The following MEGF9 variants were observed in gnomAD, a reference collection of about 807,000 sequenced individuals.
MEGF9 encodes the protein multiple EGF like domains 9.
In MEGF9, 6 loss-of-function variants were observed where a neutral mutation model predicts 46.8. That is an observed-to-expected ratio of 0.13 (90% CI 0.07 to 0.25). MEGF9 has a LOEUF of 0.25. Among genes scored for constraint, MEGF9 ranks in the 10% least tolerant of loss-of-function variants. MEGF9 has a pLI of 1.00. For missense variants in MEGF9, 683 were observed against 792.4 expected (o/e 0.86, Z 1.66); for synonymous variants, 302 against 330.7 (o/e 0.91, Z 0.94).
chr9:120,691,834 T>C (rs1378634731), intron 1 of MEGF9, among the ~76,000 whole-genome samples: 3 of 152,098 alleles, frequency 2.0e-5, no homozygotes, highest in Non-Finnish European at 4.4e-5. Flanking sequence ...TGGGTAGCAT[T>C]AGAAAGAATT....
intron 2 of MEGF9, among the ~76,000 whole-genome samples, chr9:120,652,172 ACACACACAC>A (rs1379918581): frequency 7.7e-5 from 5 of 64,584 alleles, no homozygotes; most frequent in East Asian, 4.3e-4. Flanking sequence ...ACACACACAC[ACACACACAC>A]AAAAAAAAAA....
chr9:120,642,523 A>C (rs1271669417), intron 2 of MEGF9, among the ~76,000 whole-genome samples: 1 of 152,214 alleles, frequency 6.6e-6, no homozygotes, highest in African/African-American at 2.4e-5. Context: ...TATGTGTAAA[A>C]CATCAAGAAT....
chr9:120,694,921 C>T (rs1456221373), intron 1 of MEGF9, among the ~76,000 whole-genome samples: 1 of 118,084 alleles, frequency 8.5e-6, no homozygotes, highest in Non-Finnish European at 1.8e-5. Context: ...GCCTTTTTGA[C>T]AGCATCACTC....
rs75697542 is a variant in MEGF9 at position 120,603,892 on chromosome 9, G to C, written c.*1298C>G. 6.6e-6 allele frequency: 1 copy of C among 152,598 alleles called. No individual in the cohort carries two copies. The highest frequency in any genetic ancestry group is 2.4e-5 in the African/African-American group (1 of 41,432). 9.5% of individuals were successfully genotyped at this position (152,598 alleles called of 1,614,324 possible). A position where few individuals can be genotyped will look rare whatever the true frequency, so the allele number is the denominator to read the frequency against. On this transcript the variant is annotated 3_prime_UTR_variant, in exon 6 of 6. Transcript: ENST00000373930. The stretch of plus-strand genomic sequence containing the variant: ...ACATGTAGGAGATTTTTTATTTGGG[G>C]TGAGGGAGGATTATAAATATTTCAT...
intron 1 of MEGF9, among the ~76,000 whole-genome samples, chr9:120,665,688 G>C (rs994476199): frequency 6.6e-6 from 1 of 152,090 alleles, no homozygotes; most frequent in Non-Finnish European, 1.5e-5. Flanking sequence ...TTCTAAAGCA[G>C]TTCCCCTGTG....
chr9:120,652,051 C>A (rs1172523707), intron 2 of MEGF9, among the ~76,000 whole-genome samples: 2 of 150,110 alleles, frequency 1.3e-5, no homozygotes, highest in East Asian at 3.9e-4. Context: ...AAACAAATAC[C>A]CCAAAATCTA....
At chr9:120,652,729 T>C (rs2043659324) in intron 2 of MEGF9, among the ~76,000 whole-genome samples, 1 of 152,094 alleles carries the variant, frequency 6.6e-6, no homozygotes, top group Non-Finnish European at 1.5e-5. Context: ...AAGCATACAA[T>C]GGGTAATGAC....
At chr9:120,611,661 T>C (rs2043445712) in intron 4 of MEGF9, among the ~76,000 whole-genome samples, 1 of 152,038 alleles carries the variant, frequency 6.6e-6, no homozygotes, top group Non-Finnish European at 1.5e-5. Context: ...TGATGAAAAC[T>C]TCTAAAATTG....
chr9:120,657,777 G>A (rs549528395), intron 2 of MEGF9, among the ~76,000 whole-genome samples: 5 of 152,026 alleles, frequency 3.3e-5, no homozygotes, highest in Non-Finnish European at 5.9e-5. Context: ...TACATGCTAC[G>A]GTATGCTATG....
chr9:120,613,778 T>G (rs946774577), intron 3 of MEGF9, among the ~76,000 whole-genome samples: 10 of 152,132 alleles, frequency 6.6e-5, no homozygotes, highest in African/African-American at 2.4e-4. Context: ...ATTATGGAAA[T>G]TAGTGAGTAA....
chr9:120,662,455 A>G (rs1167311629), intron 1 of MEGF9, among the ~76,000 whole-genome samples: 3 of 152,252 alleles, frequency 2.0e-5, no homozygotes, highest in Admixed American at 6.5e-5. Context: ...TCAAATGACA[A>G]TAATTTGAAG....
At position 120,601,814 on chromosome 9, in the gene MEGF9, G is replaced by C. The variant is rs1183716536; in HGVS notation, c.*3376C>G. Reference sequence around the variant, plus strand: ...CGAGAGGGGAGTAAGGGAGGACACGGACATACTTAACACTACCTAGGGCAC... The same window carrying C: ...CGAGAGGGGAGTAAGGGAGGACACGCACATACTTAACACTACCTAGGGCAC... On this transcript the variant is annotated 3_prime_UTR_variant, in exon 6 of 6. Transcript: ENST00000373930. 6.6e-6 allele frequency: 1 copy of C among 152,084 alleles called. No individual in the cohort carries two copies. Among genetic ancestry groups the C allele is most frequent in the Admixed American group, 6.5e-5 (1 of 15,268 alleles). The allele number at this position is 152,084 out of a possible 1,614,324, so 9.4% of individuals were successfully genotyped here.
At chr9:120,634,662 A>G (rs911109391) in intron 2 of MEGF9, among the ~76,000 whole-genome samples, 3 of 152,024 alleles carry the variant, frequency 2.0e-5, no homozygotes, top group Admixed American at 6.6e-5. Context: ...TAGTTAGGCC[A>G]TATCTTTTTA....
chr9:120,692,405 T>A (rs1397350494), intron 1 of MEGF9, among the ~76,000 whole-genome samples: 1 of 152,200 alleles, frequency 6.6e-6, no homozygotes, highest in Non-Finnish European at 1.5e-5. Flanking sequence ...TATCTAGCAT[T>A]TAATCCAAAA....
chr9:120,711,347 C>T (rs1006348047), intron 1 of MEGF9, among the ~76,000 whole-genome samples: 1 of 152,042 alleles, frequency 6.6e-6, no homozygotes, highest in Admixed American at 6.5e-5. Context: ...TTTTAAAAGT[C>T]CATGATACAT....
At chr9:120,612,899 T>C (rs2043455129) in intron 3 of MEGF9, among the ~76,000 whole-genome samples, 1 of 148,082 alleles carries the variant, frequency 6.8e-6, no homozygotes, top group South Asian at 2.1e-4. Flanking sequence ...AATGAACTAA[T>C]CATACATGCA....
chr9:120,681,281 C>A (rs1223004656), intron 1 of MEGF9, among the ~76,000 whole-genome samples: 1 of 152,114 alleles, frequency 6.6e-6, no homozygotes, highest in Non-Finnish European at 1.5e-5. Flanking sequence ...CCCTTGAAGG[C>A]GGCAGATTCC....
At chr9:120,666,217 T>A (rs530694033) in intron 1 of MEGF9, among the ~76,000 whole-genome samples, 3 of 152,314 alleles carry the variant, frequency 2.0e-5, no homozygotes, top group East Asian at 3.9e-4. Context: ...TGTTATCTAT[T>A]AAGAATACAA....
At chr9:120,658,380 A>AT (rs1164438908) in intron 2 of MEGF9, among the ~76,000 whole-genome samples, 19 of 152,252 alleles carry the variant, frequency 1.2e-4, no homozygotes, top group African/African-American at 4.3e-4. Context: ...GTGCTAAAGT[A>AT]TAAAGCACTT....
Sources: allele counts gnomAD v4.1 joint callset (sites outside exome capture counted in the v4.1 genomes callset), GRCh38; gene constraint gnomAD v4.1.1; transcripts MANE v1.5; gene names NCBI Gene and HGNC (gene_info 2026-07-23, HGNC 2026-07-21).